Variants in RNGTT observed in about 807,000 individuals in gnomAD.
The protein encoded by RNGTT is RNA guanylyltransferase and 5'-phosphatase.
A neutral mutation model predicts 79.3 loss-of-function variants in RNGTT; 33 were observed. The ratio of observed to expected loss-of-function variants is 0.42; its 90% CI spans 0.32 to 0.56. The LOEUF is 0.56. RNGTT is among the 20% of genes least tolerant of loss of function. RNGTT has a pLI of 0.17. For synonymous variants in RNGTT, 222 were observed against 235.9 expected (o/e 0.94, Z 0.54); for missense variants, 497 against 739.1 (o/e 0.67, Z 3.80).
At chr6:88,709,655 C>T (rs1008314447) in intron 13 of RNGTT, among the ~76,000 whole-genome samples, 3 of 152,158 alleles carry the variant, frequency 2.0e-5, no homozygotes, top group Non-Finnish European at 4.4e-5. Context: ...CAATACATAT[C>T]AGTTATCAGT....
Position 88,612,539 on chromosome 6 carries a change from G to A in RNGTT, c.*180C>T. The A allele has an allele frequency of 1.6e-6, 1 of 629,134 alleles. No homozygotes were observed. The highest frequency in any genetic ancestry group is 2.8e-6 in the Non-Finnish European group (1 of 356,744). 39.0% of individuals were successfully genotyped at this position (629,134 alleles called of 1,614,324 possible). On this transcript the variant is annotated 3_prime_UTR_variant, in exon 16 of 16. Transcript: ENST00000369485. ...AGTCCACGATGTATTGCAGCACTGA[G>A]GAAACGAATGCATCAAGTATTTACA...
At chr6:88,840,627 G>A (rs1299915629) in intron 11 of RNGTT, among the ~76,000 whole-genome samples, 1 of 152,126 alleles carries the variant, frequency 6.6e-6, no homozygotes, top group African/African-American at 2.4e-5. Flanking sequence ...TCGAACTCTT[G>A]GGCACAAGCG....
At chr6:88,952,004 G>A (rs745961597) in intron 1 of RNGTT, among the ~76,000 whole-genome samples, 6 of 152,174 alleles carry the variant, frequency 3.9e-5, no homozygotes, top group Admixed American at 3.3e-4. Context: ...CAGACAGGGA[G>A]GGGTAGGGCC....
intron 13 of RNGTT, among the ~76,000 whole-genome samples, chr6:88,682,911 A>G (rs1322639557): frequency 6.6e-6 from 1 of 152,242 alleles, no homozygotes; most frequent in Non-Finnish European, 1.5e-5. Context: ...GTAAAATCAT[A>G]ATTGAAATTA....
intron 13 of RNGTT, among the ~76,000 whole-genome samples, chr6:88,699,717 AATGGAAC>A (rs1328428195): frequency 2.2e-4 from 34 of 152,322 alleles, no homozygotes; most frequent in African/African-American, 7.2e-4. Flanking sequence ...ATGCACCTAC[AATGGAAC>A]ATTATTCAGC....
intron 13 of RNGTT, among the ~76,000 whole-genome samples, chr6:88,752,102 T>C (rs1010033916): frequency 1.3e-5 from 2 of 152,140 alleles, no homozygotes; most frequent in Non-Finnish European, 2.9e-5. Context: ...TGATGTGCCC[T>C]AGCTTTCTTC....
Position 88,690,946 on chromosome 6 carries a change from T to A in RNGTT, c.1440-12527A>T, listed in dbSNP as rs1775456323. Reference sequence around the variant, plus strand: ...CTGCTATCCATCAAGTGCCTATATATAATATTATACACCAATGAAAAGGAA... The same window carrying A: ...CTGCTATCCATCAAGTGCCTATATAAAATATTATACACCAATGAAAAGGAA... On this transcript the variant is annotated intron_variant, in intron 13 of 15. Transcript: ENST00000369485. Among the ~76,000 whole-genome samples the A allele has an allele frequency of 2.0e-5, 3 of 152,092 alleles. No individual in the cohort carries two copies. In the South Asian group the frequency reaches 6.2e-4, roughly 32 times the overall value.
chr6:88,706,848 A>T (rs976190008), intron 13 of RNGTT, among the ~76,000 whole-genome samples: 5 of 151,764 alleles, frequency 3.3e-5, no homozygotes, highest in African/African-American at 9.7e-5. Flanking sequence ...AACCAGCAAG[A>T]ACCTATCACA....
At chr6:88,678,523 A>T (rs1774969631) in intron 13 of RNGTT, 104 bp from the exon 14 acceptor site, 1 of 570,410 alleles carries the variant, frequency 1.8e-6, no homozygotes, top group Non-Finnish European at 2.5e-6. Context: ...TATACTATAA[A>T]ATATATTAGA....
intron 12 of RNGTT, among the ~76,000 whole-genome samples, chr6:88,794,298 A>G (rs1285656756): frequency 6.6e-6 from 1 of 152,224 alleles, no homozygotes; most frequent in Non-Finnish European, 1.5e-5. Flanking sequence ...ATTTAAAGAA[A>G]GCCACTGATA....
chr6:88,782,175 G>A (rs1173963610), intron 12 of RNGTT, among the ~76,000 whole-genome samples: 4 of 151,998 alleles, frequency 2.6e-5, no homozygotes, highest in African/African-American at 9.7e-5. Context: ...ACCAGTTACT[G>A]GTTTGAGTGT....
At chr6:88,724,976 C>T (rs911282316) in intron 13 of RNGTT, among the ~76,000 whole-genome samples, 1 of 152,224 alleles carries the variant, frequency 6.6e-6, no homozygotes, top group African/African-American at 2.4e-5. Flanking sequence ...ACCCCTTCCC[C>T]TCCCTTGCCC....
At chr6:88,894,619 C>T (rs1286750115) in intron 6 of RNGTT, among the ~76,000 whole-genome samples, 1 of 152,200 alleles carries the variant, frequency 6.6e-6, no homozygotes, top group Non-Finnish European at 1.5e-5. Context: ...TACAGCAGTA[C>T]TAGGCTAACT....
At chr6:88,699,888 G>T (rs889011490) in intron 13 of RNGTT, among the ~76,000 whole-genome samples, 1 of 152,108 alleles carries the variant, frequency 6.6e-6, no homozygotes, top group African/African-American at 2.4e-5. Flanking sequence ...TCAGAAAATA[G>T]AATAGTGGTT....
At position 88,932,959 on chromosome 6, in the gene RNGTT, C is replaced by T. The variant is rs112145917; in HGVS notation, c.175-3692G>A. Among the ~76,000 whole-genome samples, 730 of 152,140 alleles carry T rather than the reference C, an allele frequency of 4.8e-3. 4 individuals carry two copies. Among genetic ancestry groups the T allele is most frequent in the African/African-American group, 0.017 (689 of 41,524 alleles). On this transcript the variant is annotated intron_variant, in intron 2 of 15. Transcript: ENST00000369485. ...ATAGGTTGATGGTTGTTTCAATCCCCAAATTTTCCTGCCTGGTATTCATCT... is the reference window on the plus strand; with the variant it reads ...ATAGGTTGATGGTTGTTTCAATCCCTAAATTTTCCTGCCTGGTATTCATCT...
chr6:88,788,440 A>G (rs765665269), intron 12 of RNGTT, among the ~76,000 whole-genome samples: 8 of 152,216 alleles, frequency 5.3e-5, no homozygotes, highest in Non-Finnish European at 1.2e-4. Context: ...AATATAGACT[A>G]ATGCTAAATG....
At chr6:88,887,969 T>C (rs538179255) in intron 8 of RNGTT, among the ~76,000 whole-genome samples, 3 of 152,134 alleles carry the variant, frequency 2.0e-5, no homozygotes, top group East Asian at 1.9e-4. Context: ...TTTTAAAAAT[T>C]AGCTGGCCAT....
intron 15 of RNGTT, 46 bp from the exon 16 acceptor site, chr6:88,612,928 A>C: frequency 1.9e-6 from 3 of 1,569,300 alleles, no homozygotes; most frequent in Non-Finnish European, 2.6e-6. Flanking sequence ...TAATTAAGGC[A>C]GCTGACTCAC....
At chr6:88,663,611 G>A (rs1218408258) in intron 14 of RNGTT, among the ~76,000 whole-genome samples, 2 of 152,138 alleles carry the variant, frequency 1.3e-5, no homozygotes, top group African/African-American at 4.8e-5. Flanking sequence ...TGGCACCAAT[G>A]GTGCCCCTCC....
Sources: gnomAD v4.1 joint callset for allele counts (sites outside exome capture counted in the v4.1 genomes callset) on GRCh38, gnomAD v4.1.1 for gene constraint, MANE v1.5 for transcripts, NCBI Gene and HGNC (gene_info 2026-07-23, HGNC 2026-07-21) for gene names.